TULP4: variants seen among roughly 807,000 people sequenced by gnomAD.
TULP4 encodes the protein TUB like protein 4.
TULP4 carries 16 observed loss-of-function variants against 129.0 expected under a neutral mutation model. That is an observed-to-expected ratio of 0.12 (90% confidence interval 0.08 to 0.19). The LOEUF is 0.19. Among genes scored for constraint, TULP4 ranks in the 10% least tolerant of loss-of-function variants. TULP4 has a pLI of 1.00. For synonymous variants in TULP4, 998 were observed against 854.0 expected (o/e 1.17, Z -2.94); for missense variants, 1,842 against 2,059.1 (o/e 0.89, Z 2.04).
intron 3 of TULP4, among the ~76,000 whole-genome samples, chr6:158,440,202 C>T (rs1180367531): frequency 6.6e-6 from 1 of 150,830 alleles, no homozygotes; most frequent in African/African-American, 2.4e-5. Context: ...CATATAGTCT[C>T]AGCTACTGGG....
intron 1 of TULP4, among the ~76,000 whole-genome samples, chr6:158,325,736 T>C (rs543308473): frequency 3.9e-5 from 6 of 152,222 alleles, no homozygotes; most frequent in Non-Finnish European, 8.8e-5. Flanking sequence ...ATGAAACTTT[T>C]GTTTTATATT....
In TULP4 at chr6:158,494,839, C is replaced by T. The variant is rs370514155; in HGVS notation, c.1863C>T (p.Leu621=). The T allele has an allele frequency of 3.0e-5, 49 of 1,613,786 alleles. No homozygotes were observed. The highest frequency in any genetic ancestry group is 8.3e-5 in the Admixed American group (5 of 60,002). ...VGLAAFLPTN[L]GAVIYKTSLL... ...TGGCTGCTTTCCTGCCAACCAACCT[C>T]GGTGCAGGTAAAAATCATGTCCTCT... Residue 621 remains leucine (L), a synonymous_variant, in exon 11 of 14, where the codon CTC becomes CTT. Transcript: ENST00000367097.
intron 8 of TULP4, 121 bp from the exon 9 acceptor site, chr6:158,489,467 A>G: frequency 2.4e-6 from 3 of 1,251,126 alleles, no homozygotes; most frequent in Non-Finnish European, 3.3e-6. Context: ...TTTGGTTTCA[A>G]CCTCTAGGTC....
chr6:158,391,396 C>A (rs879531190), intron 1 of TULP4, among the ~76,000 whole-genome samples: 1 of 152,082 alleles, frequency 6.6e-6, no homozygotes, highest in Admixed American at 6.6e-5. Flanking sequence ...TCACCCAGGG[C>A]AAAGGCAGGG....
intron 7 of TULP4, 60 bp downstream of exon 7, chr6:158,480,035 C>G: frequency 7.3e-7 from 1 of 1,378,896 alleles, no homozygotes; most frequent in Non-Finnish European, 1.0e-6. Flanking sequence ...CCCCACAGAG[C>G]CAGGGCAGAG....
intron 1 of TULP4, among the ~76,000 whole-genome samples, chr6:158,265,225 C>T (rs796578084): frequency 2.0e-5 from 3 of 152,264 alleles, no homozygotes; most frequent in African/African-American, 7.2e-5. Flanking sequence ...AGCAGGTTAG[C>T]CAGAACCTGT....
rs557678837 is a variant in TULP4, at chr6:158,427,471, C to CTTTTTTTTTTTTTTTTTTTT, written c.382-2243_382-2224dup. On this transcript the variant is annotated intron_variant, in intron 2 of 13. Coordinates refer to ENST00000367097, the MANE Select transcript of TULP4 (RefSeq NM_020245.5). ...AAATTCCTTTTCAAAATTATCAGACCTTTTTTTTTTTTTTTTTTTTTTTTT... is the reference window on the plus strand; with the variant it reads ...AAATTCCTTTTCAAAATTATCAGACCTTTTTTTTTTTTTTTTTTTTTTTTTTTTTTTTTTTTTTTTTTTTT... Among the ~76,000 whole-genome samples, 11 of 74,136 alleles carry CTTTTTTTTTTTTTTTTTTTT rather than the reference C, an allele frequency of 1.5e-4. 2 individuals carry two copies. The highest frequency in any genetic ancestry group is 4.2e-4 in the East Asian group (1 of 2,376). 48.6% of individuals were successfully genotyped at this position (74,136 alleles called of 152,430 possible). A position where few individuals can be genotyped will look rare whatever the true frequency, so the allele number is the denominator to read the frequency against.
intron 1 of TULP4, among the ~76,000 whole-genome samples, chr6:158,401,034 A>G (rs992037447): frequency 2.7e-5 from 4 of 147,158 alleles, no homozygotes; most frequent in African/African-American, 5.1e-5. Flanking sequence ...GCCGCCTTTT[A>G]TGTTTGTTTG....
At chr6:158,384,076 T>C (rs827975) in intron 1 of TULP4, among the ~76,000 whole-genome samples, 101,714 of 152,000 alleles carry the variant, frequency 0.67, 34,531 homozygotes, top group Middle Eastern at 0.75. Flanking sequence ...GGGGAAACAT[T>C]AGTGAAGCTC....
intron 8 of TULP4, among the ~76,000 whole-genome samples, chr6:158,488,700 G>A (rs1359648855): frequency 6.6e-6 from 1 of 152,096 alleles, no homozygotes; most frequent in African/African-American, 2.4e-5. Flanking sequence ...TACCTGGCAA[G>A]GCACTTGGAG....
At chr6:158,443,932 T>A (rs1451406344) in intron 3 of TULP4, among the ~76,000 whole-genome samples, 2 of 151,956 alleles carry the variant, frequency 1.3e-5, no homozygotes, top group African/African-American at 4.8e-5. Flanking sequence ...TCTTAAAAAA[T>A]TTTTTGGCCG....
intron 1 of TULP4, among the ~76,000 whole-genome samples, chr6:158,317,920 A>T (rs1214615194): frequency 6.6e-6 from 1 of 152,086 alleles, no homozygotes; most frequent in Non-Finnish European, 1.5e-5. Context: ...GATGATGAGC[A>T]TTTTTTCATG....
At chr6:158,439,700 C>CTTTTTTTTTTTTTTTT (rs71030170) in intron 3 of TULP4, among the ~76,000 whole-genome samples, 3 of 68,248 alleles carry the variant, frequency 4.4e-5, no homozygotes, top group African/African-American at 1.8e-4. Flanking sequence ...ACTAGAGTTT[C>CTTTTTTTTTTTTTTTT]TTTTTTTTTT....
intron 1 of TULP4, among the ~76,000 whole-genome samples, chr6:158,287,813 G>A (rs1159041427): frequency 6.6e-6 from 1 of 152,190 alleles, no homozygotes; most frequent in Non-Finnish European, 1.5e-5. Context: ...GAGGACCCTG[G>A]TGGAAGACAA....
chr6:158,362,407 T>C (rs1262471726), intron 1 of TULP4, among the ~76,000 whole-genome samples: 2 of 152,082 alleles, frequency 1.3e-5, no homozygotes, highest in Non-Finnish European at 2.9e-5. Flanking sequence ...TGGAGTGCAG[T>C]GATGCAGTCA....
rs560802195 is a variant in TULP4, at chr6:158,275,293, GGCT to G, written n.69-36750_69-36748del. Among the ~76,000 whole-genome samples the G allele has an allele frequency of 1.9e-3, 290 of 152,254 alleles. 2 individuals are homozygous for G. Among genetic ancestry groups the G allele is most frequent in the Non-Finnish European group, 3.4e-3 (230 of 68,028 alleles). On this transcript the variant is annotated intron_variant and non_coding_transcript_variant, in intron 1 of 1. Transcript: ENST00000620026. The stretch of plus-strand genomic sequence containing the variant: ...TTGCCACGGTGTTTGAACTTCATGA[GGCT>G]GCTGCTGTCGAAACTGTGGTGATTC...
chr6:158,359,683 CT>C (rs1780724125), intron 1 of TULP4, among the ~76,000 whole-genome samples: 1 of 152,114 alleles, frequency 6.6e-6, no homozygotes, highest in Non-Finnish European at 1.5e-5. Context: ...TGTTAATCTC[CT>C]TTGGCAGCAC....
rs1288356312 is a variant in TULP4, at chr6:158,432,674, A to G, written c.543+2777A>G. Reference sequence around the variant, plus strand: ...TCAGGAGATTGAGACCATCCTGGCCAACATGGTGAAACCCCGTCTGTACTA... The same window carrying G: ...TCAGGAGATTGAGACCATCCTGGCCGACATGGTGAAACCCCGTCTGTACTA... On this transcript the variant is annotated intron_variant, in intron 3 of 13. Transcript: ENST00000367097. Among the ~76,000 whole-genome samples, 3 of 152,252 alleles carry G rather than the reference A, an allele frequency of 2.0e-5. No individual in the cohort carries two copies. In the East Asian group the frequency reaches 5.8e-4, roughly 29 times the overall value.
chr6:158,391,295 G>A (rs1200079844), intron 1 of TULP4, among the ~76,000 whole-genome samples: 1 of 152,156 alleles, frequency 6.6e-6, no homozygotes, highest in Non-Finnish European at 1.5e-5. Flanking sequence ...TGTGTATCTT[G>A]AAAAACTGAA....
Sources: gnomAD v4.1 joint callset for allele counts (sites outside exome capture counted in the v4.1 genomes callset) on GRCh38, gnomAD v4.1.1 for gene constraint, MANE v1.5 for transcripts, NCBI Gene and HGNC (gene_info 2026-07-23, HGNC 2026-07-21) for gene names.